Variants in SFTPD observed in about 807,000 individuals in gnomAD.
SFTPD encodes pulmonary surfactant-associated protein D.
SFTPD carries 18 observed loss-of-function variants against 34.6 expected under a neutral mutation model. That is an observed-to-expected ratio of 0.52 (90% CI 0.36 to 0.77). The LOEUF (loss-of-function observed/expected upper bound fraction) is 0.77, where lower values mean the gene tolerates loss of function less well. Among genes scored for constraint, SFTPD ranks in the 30% least tolerant of loss-of-function variants. The pLI is 0.00. For synonymous variants in SFTPD, 155 were observed against 180.9 expected (o/e 0.86, Z 1.15); for missense variants, 433 against 468.9 (o/e 0.92, Z 0.71).
chr10:79,980,140 T>C (rs1457297333), intron 1 of SFTPD, among the ~76,000 whole-genome samples: 2 of 152,062 alleles, frequency 1.3e-5, no homozygotes, highest in African/African-American at 4.8e-5. Flanking sequence ...GTAAGTACCA[T>C]GGATTTTGGA....
At chr10:79,973,829 G>A (rs1213509054) in intron 1 of SFTPD, among the ~76,000 whole-genome samples, 1 of 152,136 alleles carries the variant, frequency 6.6e-6, no homozygotes, top group Non-Finnish European at 1.5e-5. Context: ...ACACCACAGT[G>A]TCATGCAGTG....
At chr10:79,941,325 G>T in intron 6 of SFTPD, 73 bp downstream of exon 6, 1 of 1,296,940 alleles carries the variant, frequency 7.7e-7, no homozygotes, top group Non-Finnish European at 1.1e-6. Flanking sequence ...CCCTCCTCTG[G>T]GATGAGGAGG....
At chr10:79,976,413 G>C (rs531713859) in intron 1 of SFTPD, among the ~76,000 whole-genome samples, 1 of 152,100 alleles carries the variant, frequency 6.6e-6, no homozygotes, top group Non-Finnish European at 1.5e-5. Flanking sequence ...GAAGTCCCTG[G>C]CTACTGAGTC....
chr10:79,969,473 C>CAAAAAAAAAAAAAAAAAAAAA (rs1361366440), intron 1 of SFTPD: 18 of 147,938 alleles, frequency 1.2e-4, no homozygotes, highest in African/African-American at 4.5e-4. Flanking sequence ...AACTCCGTCT[C>CAAAAAAAAAAAAAAAAAAAAA]AAAAGAAAAA....
chr10:79,957,162 G>A (rs893545898), intron 1 of SFTPD, among the ~76,000 whole-genome samples: 10 of 150,746 alleles, frequency 6.6e-5, no homozygotes, highest in East Asian at 4.1e-4. Context: ...TGTCACCATC[G>A]TCAAAGACCA....
chr10:79,940,938 C>G, intron 6 of SFTPD, 150 bp from the exon 7 acceptor site: 1 of 603,138 alleles, frequency 1.7e-6, no homozygotes, highest in Non-Finnish European at 3.0e-6. Flanking sequence ...CAGCTGGCCT[C>G]TGCTGTGTAA....
At chr10:79,952,068 C>T (rs1346182101), upstream of SFTPD, among the ~76,000 whole-genome samples, 2 of 152,238 alleles carry the variant, frequency 1.3e-5, no homozygotes, top group African/African-American at 4.8e-5. Context: ...CTCCAGGCTG[C>T]AGTGTGATGG....
At chr10:79,946,909 T>C (rs1274445571) in intron 1 of SFTPD, among the ~76,000 whole-genome samples, 1 of 152,192 alleles carries the variant, frequency 6.6e-6, no homozygotes, top group Admixed American at 6.5e-5. Flanking sequence ...CATTCCCAGG[T>C]GCTCATGTCT....
intron 1 of SFTPD, among the ~76,000 whole-genome samples, chr10:79,959,084 C>T (rs916496341): frequency 6.6e-6 from 1 of 151,734 alleles, no homozygotes; most frequent in African/African-American, 2.4e-5. Context: ...TAAAGATGTT[C>T]TTTGAAACCA....
Position 79,946,451 on chromosome 10 carries a change from C to A in SFTPD, c.199+10G>T, listed in dbSNP as rs771143191. 2.5e-6 allele frequency: 4 copies of A among 1,608,884 alleles called. No individual in the cohort carries two copies. The South Asian group carries it at 4.4e-5, about 18-fold the overall frequency. On this transcript the variant is annotated intron_variant, in intron 2 of 7. Coordinates refer to ENST00000372292, the MANE Select transcript of SFTPD (RefSeq NM_003019.5). The stretch of plus-strand genomic sequence containing the variant: ...CTCCCCAGCAGGATAAGCCCAGGGC[C>A]CCACCCTACCTGGGTCCCCCTTCTC...
chr10:79,938,155 C>T lies in SFTPD; in HGVS notation c.825G>A (p.Thr275=), dbSNP rs200300388. 1,201 of 1,610,670 alleles carry T rather than the reference C, an allele frequency of 7.5e-4. 20 individuals carry two copies. The South Asian group carries it at 0.013, about 17-fold the overall frequency. The change falls in exon 8 of 8, where the codon ACG becomes ACA. Residue 275 remains threonine (T), a synonymous_variant. Coordinates refer to ENST00000372292, the MANE Select transcript of SFTPD (RefSeq NM_003019.5). ...FKTAGFVKPF[T]EAQLLCTQAG... is the part of the protein sequence containing the mutation. ...CCTGTGTGCACAGCAGCTGTGCCTC[C>T]GTAAATGGTTTTACAAAGCCTGCTG...
chr10:79,981,015 T>G (rs1221038775), intron 1 of SFTPD, among the ~76,000 whole-genome samples: 1 of 152,204 alleles, frequency 6.6e-6, no homozygotes, highest in Non-Finnish European at 1.5e-5. Flanking sequence ...GTTAGAGAGA[T>G]ATGTGACCTT....
chr10:79,978,380 A>G (rs117833443), intron 1 of SFTPD, among the ~76,000 whole-genome samples: 1 of 152,192 alleles, frequency 6.6e-6, no homozygotes, highest in East Asian at 1.9e-4. Flanking sequence ...TGCTGGGTGC[A>G]GTGGCTCATG....
upstream of SFTPD, among the ~76,000 whole-genome samples, chr10:79,949,691 G>A (rs1453182804): frequency 6.6e-6 from 1 of 152,188 alleles, no homozygotes; most frequent in Non-Finnish European, 1.5e-5. Flanking sequence ...CCCCTGCCTT[G>A]CTTGTCTTTT....
Position 79,946,421 on chromosome 10 carries a change from C to T in SFTPD, c.199+40G>A, listed in dbSNP as rs761474456. 2.1e-6 allele frequency: 3 copies of T among 1,455,696 alleles called. 1 individual carries two copies. In the Admixed American group the frequency reaches 5.0e-5, roughly 24 times the overall value. 90.2% of individuals were successfully genotyped at this position (1,455,696 alleles called of 1,614,324 possible). On this transcript the variant is annotated intron_variant, in intron 2 of 7. Transcript: ENST00000372292. Reference sequence around the variant, plus strand: ...CTGGGCTAGTTACAGTTCCAATGACCATTCCTCCCCAGCAGGATAAGCCCA... The same window carrying T: ...CTGGGCTAGTTACAGTTCCAATGACTATTCCTCCCCAGCAGGATAAGCCCA...
intron 1 of SFTPD, among the ~76,000 whole-genome samples, chr10:79,979,242 A>C (rs947451781): frequency 6.6e-6 from 1 of 152,236 alleles, no homozygotes; most frequent in Non-Finnish European, 1.5e-5. Context: ...AAAAAATTGA[A>C]TCAGGAAGCA....
At chr10:79,970,016 T>C (rs1842826786) in intron 1 of SFTPD, 1 of 152,224 alleles carries the variant, frequency 6.6e-6, no homozygotes, top group South Asian at 2.1e-4. Context: ...TCAGGTCCTA[T>C]ATTTACTCTT....
At chr10:79,968,026 AG>A (rs58310995) in intron 1 of SFTPD, among the ~76,000 whole-genome samples, 1,825 of 128,342 alleles carry the variant, frequency 0.014, 31 homozygotes, top group Admixed American at 0.063. Context: ...CTTATTGCTC[AG>A]AAAAAAAAAA....
At chr10:79,963,940 G>A (rs1403929039) in intron 1 of SFTPD, among the ~76,000 whole-genome samples, 3 of 151,888 alleles carry the variant, frequency 2.0e-5, no homozygotes, top group Admixed American at 6.6e-5. Flanking sequence ...GCATTCACTC[G>A]ATTTCCCCAT....
Sources: allele counts gnomAD v4.1 joint callset (sites outside exome capture counted in the v4.1 genomes callset), GRCh38; gene constraint gnomAD v4.1.1; transcripts MANE v1.5; gene names NCBI Gene and HGNC (gene_info 2026-07-23, HGNC 2026-07-21).